Variants in CSMD1 observed in about 807,000 individuals in gnomAD.
CSMD1 encodes CUB and sushi domain-containing protein 1.
A neutral mutation model predicts 417.5 loss-of-function variants in CSMD1; 213 were observed. The observed-to-expected ratio is 0.51, with a 90% confidence interval of 0.46 to 0.57. The LOEUF is 0.57. CSMD1 is among the 20% of genes least tolerant of loss of function. The pLI is 0.00. For synonymous variants in CSMD1, 2,862 were observed against 1,736.8 expected (o/e 1.65, Z -16.11); for missense variants, 6,923 against 4,529.7 (o/e 1.53, Z -15.17).
At chr8:3,279,816 T>C (rs1356817969) in intron 26 of CSMD1, among the ~76,000 whole-genome samples, 2 of 152,000 alleles carry the variant, frequency 1.3e-5, no homozygotes, top group East Asian at 3.9e-4. Flanking sequence ...AACCAACAGA[T>C]CTCATGAGAC....
At position 4,252,182 on chromosome 8, in the gene CSMD1, G is replaced by A. The variant is rs534563111; in HGVS notation, c.415+167771C>T. 1.4e-4 allele frequency among the ~76,000 whole-genome samples: 21 copies of A among 152,216 alleles called. 1 individual carries two copies. The highest frequency in any genetic ancestry group is 4.6e-4 in the African/African-American group (19 of 41,554). ...GATATATAGAAAGCTGGGGTGGGGA[G>A]ATGGATAAAAAAGCTTAAAACAAGA... On this transcript the variant is annotated intron_variant, in intron 3 of 69. Coordinates refer to ENST00000635120, the MANE Select transcript of CSMD1 (RefSeq NM_033225.6).
At position 4,105,239 on chromosome 8, in the gene CSMD1, C is replaced by G. The variant is rs186678561; in HGVS notation, c.416-73140G>C. On this transcript the variant is annotated intron_variant, in intron 3 of 69. Coordinates refer to ENST00000635120, the MANE Select transcript of CSMD1 (RefSeq NM_033225.6). ...AGCTCACATAACGTCAAAGGAAACC[C>G]TAAATATTGATCAACGGCCGTATTC... Among the ~76,000 whole-genome samples the G allele has an allele frequency of 5.1e-4, 77 of 152,178 alleles. No homozygotes were observed. The South Asian group carries it at 0.014, about 27-fold the overall frequency.
intron 10 of CSMD1, among the ~76,000 whole-genome samples, chr8:3,521,700 C>T (rs941689281): frequency 6.6e-6 from 1 of 152,086 alleles, no homozygotes; most frequent in Admixed American, 6.6e-5. Context: ...TCAACCATGA[C>T]CAGAATTTTC....
chr8:4,140,398 T>G (rs771314229), intron 3 of CSMD1, among the ~76,000 whole-genome samples: 1 of 150,934 alleles, frequency 6.6e-6, no homozygotes, highest in Non-Finnish European at 1.5e-5. Context: ...CTTCGGAGCC[T>G]GAAGCAGGAG....
intron 2 of CSMD1, among the ~76,000 whole-genome samples, chr8:4,460,740 G>A (rs1041598181): frequency 6.6e-6 from 1 of 151,992 alleles, no homozygotes; most frequent in East Asian, 1.9e-4. Flanking sequence ...CAAAACTTAA[G>A]TCAAACAACA....
At chr8:3,882,206 G>C (rs560809683) in intron 5 of CSMD1, among the ~76,000 whole-genome samples, 1 of 151,552 alleles carries the variant, frequency 6.6e-6, no homozygotes, top group African/African-American at 2.4e-5. Flanking sequence ...GAAAGAGAGA[G>C]ACAACCCATA....
intron 3 of CSMD1, among the ~76,000 whole-genome samples, chr8:4,196,519 C>G (rs929254650): frequency 6.6e-6 from 1 of 152,104 alleles, no homozygotes; most frequent in Non-Finnish European, 1.5e-5. Context: ...GGCCCACATT[C>G]CCATTTCCTT....
intron 1 of CSMD1, among the ~76,000 whole-genome samples, chr8:4,981,313 C>G (rs1270724842): frequency 6.6e-6 from 1 of 152,206 alleles, no homozygotes; most frequent in South Asian, 2.1e-4. Flanking sequence ...AGTGAAGAAG[C>G]CCCTACTGGA....
In CSMD1 at chr8:3,085,630, T is replaced by C. The variant is rs1396564488; in HGVS notation, c.7474+1467A>G. 2.0e-5 allele frequency among the ~76,000 whole-genome samples: 3 copies of C among 152,226 alleles called. No individual in the cohort carries two copies. The East Asian group carries it at 5.8e-4, about 29-fold the overall frequency. ...AGTGTGCACTATTTGTATTTCTGAA[T>C]CATTTAACTTAGCATTAAATAGTTC... On this transcript the variant is annotated intron_variant, in intron 49 of 69. Coordinates refer to ENST00000635120, the MANE Select transcript of CSMD1 (RefSeq NM_033225.6).
chr8:4,309,929 A>T (rs1380776636), intron 3 of CSMD1, among the ~76,000 whole-genome samples: 1 of 152,196 alleles, frequency 6.6e-6, no homozygotes, highest in African/African-American at 2.4e-5. Flanking sequence ...AGCTCATTAG[A>T]AACATGATAG....
chr8:3,513,906 A>C (rs1156895600), intron 10 of CSMD1, among the ~76,000 whole-genome samples: 2 of 152,230 alleles, frequency 1.3e-5, no homozygotes, highest in African/African-American at 2.4e-5. Flanking sequence ...CCACAGAATA[A>C]TTCAGGCCAG....
chr8:3,126,492 G>A (rs1237937844), intron 41 of CSMD1, among the ~76,000 whole-genome samples: 4 of 152,116 alleles, frequency 2.6e-5, no homozygotes, highest in African/African-American at 9.7e-5. Context: ...AGCCCCGCTT[G>A]AGTCCTCAGC....
intron 12 of CSMD1, among the ~76,000 whole-genome samples, chr8:3,464,497 C>G (rs181791062): frequency 3.7e-4 from 56 of 151,378 alleles, no homozygotes; most frequent in African/African-American, 1.3e-3. Flanking sequence ...AACTATGCCC[C>G]GGACTCACAT....
At chr8:3,821,142 T>G (rs1373421679) in intron 5 of CSMD1, among the ~76,000 whole-genome samples, 2 of 152,112 alleles carry the variant, frequency 1.3e-5, no homozygotes, top group African/African-American at 4.8e-5. Context: ...GGTCTCGAAC[T>G]CCTGACCTCA....
intron 1 of CSMD1, among the ~76,000 whole-genome samples, chr8:4,696,369 C>T (rs536880727): frequency 2.2e-4 from 33 of 152,232 alleles, no homozygotes; most frequent in African/African-American, 7.7e-4. Flanking sequence ...AAACTAAGGC[C>T]TACCTCTATA....
chr8:3,465,346 T>C (rs1816737554), intron 12 of CSMD1, among the ~76,000 whole-genome samples: 1 of 152,126 alleles, frequency 6.6e-6, no homozygotes, highest in Admixed American at 6.5e-5. Flanking sequence ...GAGGATTGTC[T>C]TTGGGGAGTT....
intron 26 of CSMD1, among the ~76,000 whole-genome samples, chr8:3,276,891 C>T (rs552603066): frequency 6.6e-6 from 1 of 152,010 alleles, no homozygotes; most frequent in African/African-American, 2.4e-5. Context: ...GACCATCTGC[C>T]CTCAAGTAAC....
intron 2 of CSMD1, among the ~76,000 whole-genome samples, chr8:4,490,459 C>T (rs1241333968): frequency 6.6e-6 from 1 of 152,168 alleles, no homozygotes; most frequent in Admixed American, 6.5e-5. Flanking sequence ...TTTTTAATGA[C>T]AACTGATTAA....
chr8:4,735,943 T>C (rs1223499157), intron 1 of CSMD1, among the ~76,000 whole-genome samples: 1 of 152,164 alleles, frequency 6.6e-6, no homozygotes, highest in Non-Finnish European at 1.5e-5. Context: ...GGTTGCAACA[T>C]AAAAATGTTA....
Sources: allele counts gnomAD v4.1 joint callset (sites outside exome capture counted in the v4.1 genomes callset), GRCh38; gene constraint gnomAD v4.1.1; transcripts MANE v1.5; gene names NCBI Gene and HGNC (gene_info 2026-07-23, HGNC 2026-07-21).